The following CDH20 variants were observed in gnomAD, a reference collection of about 807,000 sequenced individuals.
The protein encoded by CDH20 is cadherin 20.
CDH20 carries 29 observed loss-of-function variants against 74.2 expected under a neutral mutation model. That is an observed-to-expected ratio of 0.39 (90% CI 0.29 to 0.53). The LOEUF is 0.53. CDH20 is among the 20% of genes least tolerant of loss of function. The pLI is 0.69. For missense variants in CDH20, 988 were observed against 1,048.3 expected (o/e 0.94, Z 0.79); for synonymous variants, 469 against 405.4 (o/e 1.16, Z -1.88).
chr18:61,370,727 T>G (rs959576358), intron 1 of CDH20, among the ~76,000 whole-genome samples: 18 of 152,200 alleles, frequency 1.2e-4, no homozygotes, highest in African/African-American at 4.3e-4. Flanking sequence ...GTAAACTGGA[T>G]CTCCAGAATT....
intron 1 of CDH20, among the ~76,000 whole-genome samples, chr18:61,434,128 T>G (rs551907638): frequency 1.3e-5 from 2 of 152,246 alleles, no homozygotes; most frequent in Non-Finnish European, 2.9e-5. Flanking sequence ...TCTAGATGTA[T>G]TTTCACATAG....
chr18:61,516,972 C>T (rs1413665477), intron 6 of CDH20, among the ~76,000 whole-genome samples: 1 of 152,038 alleles, frequency 6.6e-6, no homozygotes, highest in Non-Finnish European at 1.5e-5. Context: ...TCTTAAGTAA[C>T]TTACTTAAAA....
chr18:61,520,243 G>A (rs1173982222), intron 6 of CDH20, among the ~76,000 whole-genome samples: 1 of 149,860 alleles, frequency 6.7e-6, no homozygotes, highest in Non-Finnish European at 1.5e-5. Flanking sequence ...GTGAACCTGG[G>A]AGGCGGAGCT....
intron 6 of CDH20, among the ~76,000 whole-genome samples, chr18:61,524,543 C>A (rs865841675): frequency 2.6e-5 from 4 of 152,038 alleles, no homozygotes; most frequent in African/African-American, 9.7e-5. Flanking sequence ...TGGAAAAAAA[C>A]ACAAATGTAT....
At chr18:61,540,297 C>T (rs1244605130) in intron 9 of CDH20, among the ~76,000 whole-genome samples, 1 of 152,186 alleles carries the variant, frequency 6.6e-6, no homozygotes, top group Non-Finnish European at 1.5e-5. Context: ...AAGGCAGGGA[C>T]TCATGCATTG....
At chr18:61,425,774 C>T (rs573604202) in intron 1 of CDH20, among the ~76,000 whole-genome samples, 18 of 152,090 alleles carry the variant, frequency 1.2e-4, no homozygotes, top group African/African-American at 2.7e-4. Context: ...GACGGATACA[C>T]GAAAAACCTC....
intron 6 of CDH20, among the ~76,000 whole-genome samples, chr18:61,520,510 G>C (rs919370711): frequency 1.3e-5 from 2 of 150,696 alleles, no homozygotes; most frequent in Non-Finnish European, 2.9e-5. Flanking sequence ...ACACCCTACT[G>C]TCAATATTAG....
chr18:61,459,647 A>G (rs1049071245), intron 1 of CDH20, among the ~76,000 whole-genome samples: 5 of 152,040 alleles, frequency 3.3e-5, no homozygotes, highest in African/African-American at 1.2e-4. Flanking sequence ...AGAAATGCAA[A>G]AGCTCAGGCC....
chr18:61,411,653 A>ATC (rs1912512885), intron 1 of CDH20, among the ~76,000 whole-genome samples: 1 of 151,772 alleles, frequency 6.6e-6, no homozygotes. Flanking sequence ...ACACACACAC[A>ATC]CACGCTATGG....
At chr18:61,402,884 G>A (rs1163953070) in intron 1 of CDH20, among the ~76,000 whole-genome samples, 2 of 152,178 alleles carry the variant, frequency 1.3e-5, no homozygotes, top group Non-Finnish European at 2.9e-5. Context: ...GCATTCTGAA[G>A]CAGTTCAGCT....
chr18:61,438,060 G>T (rs537008650), intron 1 of CDH20, among the ~76,000 whole-genome samples: 2 of 152,240 alleles, frequency 1.3e-5, no homozygotes, highest in South Asian at 4.1e-4. Context: ...GAGATCAATG[G>T]TATCTAAACA....
intron 1 of CDH20, among the ~76,000 whole-genome samples, chr18:61,393,433 C>T (rs181923035): frequency 1.3e-5 from 2 of 152,152 alleles, no homozygotes; most frequent in East Asian, 3.9e-4. Flanking sequence ...TTGCATAGAG[C>T]CCAGCCGTTT....
chr18:61,422,706 T>A (rs1267448424), intron 1 of CDH20, among the ~76,000 whole-genome samples: 2 of 151,658 alleles, frequency 1.3e-5, no homozygotes, highest in East Asian at 1.9e-4. Context: ...TTACTCACAG[T>A]ATACAATATA....
chr18:61,496,313 C>T (rs1364932045), intron 2 of CDH20, among the ~76,000 whole-genome samples: 1 of 144,288 alleles, frequency 6.9e-6, no homozygotes, highest in Non-Finnish European at 1.5e-5. Context: ...CCTTTCTCTC[C>T]CCCTCTTCCC....
intron 1 of CDH20, among the ~76,000 whole-genome samples, chr18:61,432,849 G>C (rs1488483994): frequency 6.6e-6 from 1 of 151,764 alleles, no homozygotes; most frequent in Non-Finnish European, 1.5e-5. Flanking sequence ...TACTGCTTTG[G>C]CAAGGGAAAG....
At chr18:61,473,726 AAGCTGACTTGTAATTCCC>A (rs1273226087) in intron 1 of CDH20, among the ~76,000 whole-genome samples, 1 of 152,190 alleles carries the variant, frequency 6.6e-6, no homozygotes, top group African/African-American at 2.4e-5. Context: ...AAAGCAGTGG[AAGCTGACTTGTAATTCCC>A]AAATAACAAT....
chr18:61,389,549 G>A (rs1046266268), intron 1 of CDH20, among the ~76,000 whole-genome samples: 5 of 152,090 alleles, frequency 3.3e-5, no homozygotes, highest in Admixed American at 6.6e-5. Context: ...TGTCATATAT[G>A]TCCCAGACAT....
intron 1 of CDH20, among the ~76,000 whole-genome samples, chr18:61,366,417 A>G (rs1439789956): frequency 6.6e-6 from 1 of 152,184 alleles, no homozygotes; most frequent in Non-Finnish European, 1.5e-5. Flanking sequence ...TCAGTTACAT[A>G]GTTAAGAAAA....
chr18:61,390,865 A>C (rs1202867854), intron 1 of CDH20, among the ~76,000 whole-genome samples: 1 of 152,230 alleles, frequency 6.6e-6, no homozygotes, highest in African/African-American at 2.4e-5. Context: ...CATTCATAAT[A>C]GAAAATATAG....
Sources: gnomAD v4.1 joint callset for allele counts (sites outside exome capture counted in the v4.1 genomes callset) on GRCh38, gnomAD v4.1.1 for gene constraint, MANE v1.5 for transcripts, NCBI Gene and HGNC (gene_info 2026-07-23, HGNC 2026-07-21) for gene names.